Variants in MCPH1 observed in about 807,000 individuals in gnomAD.
The protein encoded by MCPH1 is microcephalin.
A neutral mutation model predicts 84.5 loss-of-function variants in MCPH1; 104 were observed. The observed-to-expected ratio is 1.23, with a 90% CI of 1.05 to 1.45. The LOEUF is 1.45. Among genes scored for constraint, MCPH1 ranks in the 40% most tolerant of loss-of-function variants. MCPH1 has a pLI of 0.00. For missense variants in MCPH1, 1,498 were observed against 1,005.7 expected, an observed-to-expected ratio of 1.49 and a Z score of -6.62; for synonymous variants, 514 against 366.8, an observed-to-expected ratio of 1.40 and a Z score of -4.58.
At chr8:6,550,739 G>C (rs1326006449) in intron 12 of MCPH1, among the ~76,000 whole-genome samples, 1 of 152,122 alleles carries the variant, frequency 6.6e-6, no homozygotes, top group African/African-American at 2.4e-5. Flanking sequence ...AGAGTTTTGC[G>C]GCCTGTGTAC....
chr8:6,497,655 T>A (rs1027774757), intron 11 of MCPH1, among the ~76,000 whole-genome samples: 1 of 152,324 alleles, frequency 6.6e-6, no homozygotes, highest in South Asian at 2.1e-4. Flanking sequence ...ACGGGATGAC[T>A]GGGTACAACA....
At chr8:6,634,480 A>ATAC (rs1797396372) in intron 13 of MCPH1, among the ~76,000 whole-genome samples, 1 of 142,102 alleles carries the variant, frequency 7.0e-6, no homozygotes, top group African/African-American at 2.5e-5. Flanking sequence ...TAAGGATGCC[A>ATAC]AGGACAGAAT....
At chr8:6,576,451 A>G (rs1353375358) in intron 12 of MCPH1, among the ~76,000 whole-genome samples, 1 of 151,902 alleles carries the variant, frequency 6.6e-6, no homozygotes, top group Non-Finnish European at 1.5e-5. Context: ...GCCAGGCCTT[A>G]TTGGAATCCT....
chr8:6,562,577 T>TTTTTTTTTTTTTTTTAAAAAAA, intron 12 of MCPH1: 4 of 843,206 alleles, frequency 4.7e-6, no homozygotes, highest in Non-Finnish European at 6.6e-6. Flanking sequence ...TTTTTGGTTG[T>TTTTTTTTTTTTTTTTAAAAAAA]TAAAACCTGA....
intron 6 of MCPH1, 60 bp from the exon 7 acceptor site, chr8:6,442,007 C>T: frequency 8.6e-7 from 1 of 1,164,966 alleles, no homozygotes; most frequent in African/African-American, 1.5e-5. Context: ...TTCCTGCTGG[C>T]TTCATCTGCT....
intron 12 of MCPH1, among the ~76,000 whole-genome samples, chr8:6,550,785 A>G (rs1006481672): frequency 2.0e-5 from 3 of 152,182 alleles, no homozygotes; most frequent in Admixed American, 6.5e-5. Flanking sequence ...TTTCTTACCC[A>G]TATAGGACAA....
At chr8:6,481,163 C>T (rs777775823) in intron 11 of MCPH1, among the ~76,000 whole-genome samples, 8 of 152,138 alleles carry the variant, frequency 5.3e-5, no homozygotes, top group East Asian at 1.9e-4. Flanking sequence ...CTGAAAGAAA[C>T]GCAAGATGCA....
At chr8:6,549,641 A>C (rs17623771) in intron 12 of MCPH1, among the ~76,000 whole-genome samples, 6,429 of 147,378 alleles carry the variant, frequency 0.044, 176 homozygotes, top group East Asian at 0.099. Flanking sequence ...AGATACAGAC[A>C]AAGAGGGGCG....
chr8:6,636,932 C>T (rs1797599857), intron 13 of MCPH1, among the ~76,000 whole-genome samples: 1 of 152,224 alleles, frequency 6.6e-6, no homozygotes, highest in Non-Finnish European at 1.5e-5. Context: ...AGGAGTCACA[C>T]ATAAACGGCA....
chr8:6,601,919 C>A (rs1174905211), intron 12 of MCPH1, among the ~76,000 whole-genome samples: 3 of 152,182 alleles, frequency 2.0e-5, no homozygotes, highest in Non-Finnish European at 4.4e-5. Flanking sequence ...TTTTATATCA[C>A]CAGTATAAAT....
At chr8:6,523,754 A>AT (rs1293419392) in intron 12 of MCPH1, among the ~76,000 whole-genome samples, 4 of 151,980 alleles carry the variant, frequency 2.6e-5, no homozygotes, top group Non-Finnish European at 4.4e-5. Flanking sequence ...CGCCCAGCTA[A>AT]TTTTTTGTAT....
intron 9 of MCPH1, among the ~76,000 whole-genome samples, chr8:6,468,312 G>A (rs1563250581): frequency 6.6e-6 from 1 of 152,114 alleles, no homozygotes; most frequent in Non-Finnish European, 1.5e-5. Context: ...ACCTGTGCAT[G>A]CCCCCTATGC....
chr8:6,418,173 C>G (rs1401298128), intron 3 of MCPH1, among the ~76,000 whole-genome samples: 1 of 152,056 alleles, frequency 6.6e-6, no homozygotes, highest in African/African-American at 2.4e-5. Context: ...CCCTAGCTGC[C>G]CAGTCTCCTT....
intron 12 of MCPH1, among the ~76,000 whole-genome samples, chr8:6,581,546 A>T (rs1827566629): frequency 6.6e-6 from 1 of 152,248 alleles, no homozygotes; most frequent in Admixed American, 6.5e-5. Context: ...TGTAATACAG[A>T]ACAATATCTT....
intron 3 of MCPH1, among the ~76,000 whole-genome samples, chr8:6,418,576 A>G (rs1309437776): frequency 6.6e-6 from 1 of 151,806 alleles, no homozygotes; most frequent in Non-Finnish European, 1.5e-5. Context: ...CCTTAGGGAT[A>G]TTTTTTATTT....
intron 8 of MCPH1, chr8:6,447,498 AC>A: frequency 1.3e-6 from 1 of 796,150 alleles, no homozygotes; most frequent in Non-Finnish European, 1.5e-6. Context: ...GAGCTTCAAT[AC>A]GCTGATAGAA....
At chr8:6,588,793 G>A (rs28581608) in intron 12 of MCPH1, among the ~76,000 whole-genome samples, 30,106 of 152,254 alleles carry the variant, frequency 0.2, 3,103 homozygotes, top group South Asian at 0.31. Context: ...TCTCTGCCCA[G>A]GTCTCACCAG....
intron 12 of MCPH1, chr8:6,508,753 C>T: frequency 1.2e-6 from 1 of 845,310 alleles, no homozygotes; most frequent in Middle Eastern, 3.3e-4. Flanking sequence ...ATCATATTCT[C>T]ACTTAAAACT....
chr8:6,532,526 A>C (rs767984662), intron 12 of MCPH1: 1 of 1,509,380 alleles, frequency 6.6e-7, no homozygotes, highest in Admixed American at 2.0e-5. Context: ...CATTAGTCAA[A>C]TGACCGGAAA....
Sources: allele counts gnomAD v4.1 joint callset (sites outside exome capture counted in the v4.1 genomes callset), GRCh38; gene constraint gnomAD v4.1.1; transcripts MANE v1.5; gene names NCBI Gene and HGNC (gene_info 2026-07-23, HGNC 2026-07-21).